Variants in MB21D2 observed in about 807,000 individuals in gnomAD.
MB21D2 encodes the protein Mab-21 domain containing 2.
MB21D2 carries 9 observed loss-of-function variants against 33.3 expected under a neutral mutation model. That is an observed-to-expected ratio of 0.27 (90% confidence interval 0.16 to 0.47). MB21D2 has a LOEUF of 0.47. MB21D2 is among the 20% of genes least tolerant of loss of function. MB21D2 has a pLI of 0.99. For missense variants in MB21D2, 540 were observed against 624.6 expected (o/e 0.86, Z 1.44); for synonymous variants, 241 against 236.3 (o/e 1.02, Z -0.18).
chr3:192,895,238 T>C (rs886289683), intron 1 of MB21D2, among the ~76,000 whole-genome samples: 1 of 152,142 alleles, frequency 6.6e-6, no homozygotes, highest in African/African-American at 2.4e-5. Context: ...TGTCACCACC[T>C]TCACCCTCAA....
chr3:192,894,089 C>G (rs532546621), intron 1 of MB21D2, among the ~76,000 whole-genome samples: 4 of 152,176 alleles, frequency 2.6e-5, no homozygotes, highest in Admixed American at 2.6e-4. Context: ...GTTCCCTGTT[C>G]AAGCTCTTCT....
chr3:192,891,437 G>A (rs1713852262), intron 1 of MB21D2, among the ~76,000 whole-genome samples: 1 of 152,102 alleles, frequency 6.6e-6, no homozygotes, highest in Non-Finnish European at 1.5e-5. Flanking sequence ...TATCATAAGA[G>A]GCACTGGAAA....
chr3:192,886,896 G>A (rs1376816467), intron 1 of MB21D2, among the ~76,000 whole-genome samples: 1 of 151,460 alleles, frequency 6.6e-6, no homozygotes, highest in Non-Finnish European at 1.5e-5. Context: ...ATAAGTCCAT[G>A]TTCTTCTACT....
chr3:192,890,410 TAAAC>T (rs1713825691), intron 1 of MB21D2, among the ~76,000 whole-genome samples: 1 of 151,972 alleles, frequency 6.6e-6, no homozygotes, highest in Non-Finnish European at 1.5e-5. Flanking sequence ...AGACACCAAA[TAAAC>T]AAAGAGCTTG....
chr3:192,816,202 C>G (rs559146845), intron 1 of MB21D2, among the ~76,000 whole-genome samples: 1 of 141,608 alleles, frequency 7.1e-6, no homozygotes, highest in Admixed American at 6.9e-5. Flanking sequence ...GGCAAAAAGA[C>G]GAGAGGACAA....
At chr3:192,804,356 A>C (rs1418999390) in intron 1 of MB21D2, among the ~76,000 whole-genome samples, 1 of 836 alleles carries the variant, frequency 1.2e-3, no homozygotes, top group African/African-American at 4.3e-3. Context: ...GTCTGTGAAA[A>C]CTCAGAGAGT....
chr3:192,799,357 C>T lies in MB21D2; in HGVS notation c.505G>A (p.Asp169Asn), dbSNP rs368937752. 29 of 1,614,110 alleles carry T rather than the reference C, an allele frequency of 1.8e-5. No individual in the cohort carries two copies. Among genetic ancestry groups the T allele is most frequent in the Admixed American group, 1.0e-4 (6 of 60,008 alleles). ...SKWKDCCTIV[D>N]HINGATNYFF... ...TAGTTGGTGGCACCATTGATGTGAT[C>T]TACAATGGTGCAGCAGTCTTTCCAT... is the stretch of plus-strand genomic sequence containing the variant. The change falls in exon 2 of 2, where the codon GAT (aspartate) becomes AAT (asparagine). Residue 169 changes from aspartate to asparagine, a missense_variant. Physicochemically the swap from Asp to Asn is conservative, Grantham distance 23. Coordinates refer to ENST00000392452, the MANE Select transcript of MB21D2 (RefSeq NM_178496.4). This position sits in a 1 kb window ranked among gnomAD's most constrained non-coding sequence, Gnocchi z 4.1.
At chr3:192,871,047 A>G (rs1305110637) in intron 1 of MB21D2, among the ~76,000 whole-genome samples, 2 of 152,196 alleles carry the variant, frequency 1.3e-5, no homozygotes, top group East Asian at 3.9e-4. Context: ...CTGCTCTGCC[A>G]AGTTCAGAGG....
At chr3:192,822,616 A>C (rs1358629636) in intron 1 of MB21D2, among the ~76,000 whole-genome samples, 1 of 152,086 alleles carries the variant, frequency 6.6e-6, no homozygotes, top group Non-Finnish European at 1.5e-5. Flanking sequence ...TGAGCCAGTG[A>C]TTTTTCCCCG....
chr3:192,799,032 C>G lies in MB21D2; in HGVS notation c.830G>C (p.Cys277Ser), dbSNP rs1379567087. ...VISGFYLVPA[C>S]SYKGKKDNEW... ...ATTGTCCTTCTTACCCTTGTAGGAG[C>G]AAGCAGGCACCAAGTAAAACCCACT... Residue 277 changes from cysteine (C) to serine (S), a missense_variant, in exon 2 of 2, where the codon TGC (cysteine) becomes TCC (serine). Cys to Ser is a moderately radical substitution (Grantham distance 112). Transcript: ENST00000392452. This position sits in a 1 kb window ranked among gnomAD's most constrained non-coding sequence, Gnocchi z 4.1. The G allele has an allele frequency of 6.2e-7, 1 of 1,614,094 alleles. No homozygotes were observed. The highest frequency in any genetic ancestry group is 8.5e-7 in the Non-Finnish European group (1 of 1,180,024).
intron 1 of MB21D2, among the ~76,000 whole-genome samples, chr3:192,858,628 A>G (rs1343003082): frequency 6.6e-6 from 1 of 152,172 alleles, no homozygotes; most frequent in Non-Finnish European, 1.5e-5. Context: ...CTTTCTAGGA[A>G]CTCAATTAAA....
At chr3:192,809,229 G>A (rs540623932) in intron 1 of MB21D2, among the ~76,000 whole-genome samples, 1 of 152,254 alleles carries the variant, frequency 6.6e-6, no homozygotes, top group South Asian at 2.1e-4. Flanking sequence ...CCGAGTAGCT[G>A]GAACTACAGG....
intron 1 of MB21D2, among the ~76,000 whole-genome samples, chr3:192,915,165 G>T (rs1560260475): frequency 1.3e-5 from 2 of 152,032 alleles, no homozygotes; most frequent in Non-Finnish European, 2.9e-5. Flanking sequence ...AAGCCAAGAG[G>T]ACTGGCCACC....
At chr3:192,914,826 A>G (rs1714428242) in intron 1 of MB21D2, among the ~76,000 whole-genome samples, 1 of 152,188 alleles carries the variant, frequency 6.6e-6, no homozygotes, top group Non-Finnish European at 1.5e-5. Context: ...CCCTACTTTG[A>G]TAAGACAGTG....
chr3:192,845,996 T>C (rs1024240850), intron 1 of MB21D2, among the ~76,000 whole-genome samples: 5 of 152,074 alleles, frequency 3.3e-5, no homozygotes, highest in Non-Finnish European at 7.4e-5. Context: ...GGTGGGAGAA[T>C]CACTTGAGCC....
At position 192,799,271 on chromosome 3, in the gene MB21D2, T is replaced by C. The variant is rs898156894; in HGVS notation, c.591A>G (p.Ser197=). ...CTCGCTGGGGTTTCTTCTGTATTTC[T>C]GATAGGACAATGCTGATAGAGTCAT... ...WFYDSISIVL[S]EIQKKPQRGM... is the part of the protein sequence containing the mutation. Residue 197 remains serine, a synonymous_variant, in exon 2 of 2, where the codon TCA becomes TCG. Coordinates refer to ENST00000392452, the MANE Select transcript of MB21D2 (RefSeq NM_178496.4). This position sits in a 1 kb window ranked among gnomAD's most constrained non-coding sequence, Gnocchi z 4.1. 7 of 1,614,252 alleles carry C rather than the reference T, an allele frequency of 4.3e-6. No individual in the cohort carries two copies. Among genetic ancestry groups the C allele is most frequent in the Non-Finnish European group, 5.9e-6 (7 of 1,180,048 alleles).
chr3:192,884,035 G>C (rs1409357039), intron 1 of MB21D2, among the ~76,000 whole-genome samples: 1 of 152,058 alleles, frequency 6.6e-6, no homozygotes, highest in South Asian at 2.1e-4. Flanking sequence ...CAGCAAAGTA[G>C]GTGAACATGA....
chr3:192,800,902 C>G (rs1435266858), intron 1 of MB21D2, among the ~76,000 whole-genome samples: 2 of 152,186 alleles, frequency 1.3e-5, no homozygotes, highest in East Asian at 1.9e-4. Context: ...AATGATAAAG[C>G]TGAAATTTCT....
chr3:192,825,377 A>G (rs1262530936), intron 1 of MB21D2, among the ~76,000 whole-genome samples: 1 of 152,212 alleles, frequency 6.6e-6, no homozygotes, highest in East Asian at 1.9e-4. Context: ...CTCATGCCAG[A>G]GCAAGTCAAA....
Sources: allele counts gnomAD v4.1 joint callset (sites outside exome capture counted in the v4.1 genomes callset), GRCh38; gene constraint gnomAD v4.1.1; non-coding constraint Gnocchi (gnomAD v3.1); transcripts MANE v1.5; gene names NCBI Gene and HGNC (gene_info 2026-07-23, HGNC 2026-07-21).